ATRNL1: variants seen among roughly 807,000 people sequenced by gnomAD.
ATRNL1 encodes attractin like 1, also known as attractin-like protein 1.
ATRNL1 carries 95 observed loss-of-function variants against 182.7 expected under a neutral mutation model. The ratio of observed to expected loss-of-function variants is 0.52; its 90% confidence interval spans 0.44 to 0.62. The LOEUF (loss-of-function observed/expected upper bound fraction) is 0.62. ATRNL1 is among the 20% of genes least tolerant of loss of function. The pLI is 0.00. For synonymous variants in ATRNL1, 576 were observed against 568.3 expected (o/e 1.01, Z -0.19); for missense variants, 1,471 against 1,679.5 (o/e 0.88, Z 2.17).
intron 26 of ATRNL1, 42 bp downstream of exon 26, chr10:115,549,578 C>A: frequency 7.2e-7 from 1 of 1,385,964 alleles, no homozygotes; most frequent in Admixed American, 2.0e-5. Context: ...AAGATTTAAG[C>A]AAATATATGG....
intron 26 of ATRNL1, among the ~76,000 whole-genome samples, chr10:115,617,129 G>T (rs984437710): frequency 2.0e-5 from 3 of 152,212 alleles, no homozygotes; most frequent in Non-Finnish European, 2.9e-5. Context: ...GGGCAGGGTT[G>T]CCCAAGACCT....
intron 24 of ATRNL1, among the ~76,000 whole-genome samples, chr10:115,474,306 T>C (rs1241408599): frequency 6.6e-6 from 1 of 151,422 alleles, no homozygotes; most frequent in Non-Finnish European, 1.5e-5. Flanking sequence ...AGGTTTCTGC[T>C]GAGAAATCTG....
chr10:115,533,728 C>G (rs1474745320), intron 25 of ATRNL1, among the ~76,000 whole-genome samples: 7 of 149,268 alleles, frequency 4.7e-5, no homozygotes, highest in African/African-American at 7.3e-5. Context: ...CCTGCTTTCT[C>G]TTGTGGGCAT....
intron 27 of ATRNL1, among the ~76,000 whole-genome samples, chr10:115,816,661 A>G (rs1555088662): frequency 6.6e-6 from 1 of 151,952 alleles, no homozygotes; most frequent in African/African-American, 2.4e-5. Flanking sequence ...AAACAGCCTT[A>G]CCTGTTAAGT....
At chr10:115,399,063 T>A (rs1844426146) in intron 20 of ATRNL1, among the ~76,000 whole-genome samples, 1 of 152,156 alleles carries the variant, frequency 6.6e-6, no homozygotes, top group Non-Finnish European at 1.5e-5. Flanking sequence ...GCCTACTTGA[T>A]CATGGTGGAT....
In ATRNL1 at chr10:115,497,341, G is replaced by C. The variant is rs1487836738; in HGVS notation, c.3655-21922G>C. On this transcript the variant is annotated intron_variant, in intron 24 of 28. Transcript: ENST00000355044. The stretch of plus-strand genomic sequence containing the variant: ...CTCCTGAATCTTTATGATCTTCATA[G>C]GGGATCTAAGTGCAGAGTGCAAAAA... Among the ~76,000 whole-genome samples, 9 of 152,248 alleles carry C rather than the reference G, an allele frequency of 5.9e-5. No homozygotes were observed. In the East Asian group the frequency reaches 1.6e-3, roughly 26 times the overall value.
intron 26 of ATRNL1, among the ~76,000 whole-genome samples, chr10:115,588,964 G>T (rs1246405078): frequency 2.6e-5 from 4 of 152,146 alleles, no homozygotes; most frequent in African/African-American, 9.7e-5. Context: ...TCTTTTCAAA[G>T]GATTAGATTG....
At chr10:115,646,466 A>G (rs1555032492) in intron 26 of ATRNL1, among the ~76,000 whole-genome samples, 1 of 152,044 alleles carries the variant, frequency 6.6e-6, no homozygotes, top group Non-Finnish European at 1.5e-5. Flanking sequence ...CAGCTAGCAG[A>G]ATGTTAAAGA....
At position 115,263,898 on chromosome 10, in the gene ATRNL1, AGTTAG is replaced by A. The variant is rs529515154; in HGVS notation, c.1688-1286_1688-1282del. On this transcript the variant is annotated intron_variant, in intron 10 of 28. Coordinates refer to ENST00000355044, the MANE Select transcript of ATRNL1 (RefSeq NM_207303.4). The stretch of plus-strand genomic sequence containing the variant: ...ATTGGGAAAACACTGTGTTAAATAA[AGTTAG>A]GTTAGGTTTCTGTACCTTTACACTC... Among the ~76,000 whole-genome samples, 1,163 of 151,862 alleles carry A rather than the reference AGTTAG, an allele frequency of 7.7e-3. 7 individuals carry two copies. Among genetic ancestry groups the A allele is most frequent in the Non-Finnish European group, 0.011 (724 of 67,672 alleles).
chr10:115,396,175 A>G (rs557792172), intron 20 of ATRNL1, among the ~76,000 whole-genome samples: 38 of 152,070 alleles, frequency 2.5e-4, no homozygotes, highest in African/African-American at 8.4e-4. Flanking sequence ...AGGTAAGCAC[A>G]ATCAGTTTTT....
At chr10:115,368,479 G>A (rs547728084) in intron 19 of ATRNL1, among the ~76,000 whole-genome samples, 16 of 152,268 alleles carry the variant, frequency 1.1e-4, no homozygotes, top group South Asian at 2.1e-4. Flanking sequence ...GAAATCACCC[G>A]TCTTCTGCGT....
intron 1 of ATRNL1, among the ~76,000 whole-genome samples, chr10:115,107,301 G>C (rs1052398595): frequency 1.3e-5 from 2 of 152,168 alleles, no homozygotes; most frequent in Admixed American, 6.5e-5. Flanking sequence ...TGGTGAGACA[G>C]GTATAGGATC....
At chr10:115,358,151 T>C (rs548493459) in intron 19 of ATRNL1, among the ~76,000 whole-genome samples, 4 of 151,696 alleles carry the variant, frequency 2.6e-5, no homozygotes, top group Non-Finnish European at 5.9e-5. Flanking sequence ...CATTAAATAT[T>C]TGTTGAATTA....
intron 24 of ATRNL1, among the ~76,000 whole-genome samples, chr10:115,500,550 A>ATT (rs74488419): frequency 1.3e-5 from 2 of 150,320 alleles, no homozygotes; most frequent in African/African-American, 2.4e-5. Context: ...AGCAAGAATA[A>ATT]TTTTTTTTTT....
chr10:115,535,052 A>G (rs868979607), intron 25 of ATRNL1, among the ~76,000 whole-genome samples: 232 of 150,418 alleles, frequency 1.5e-3, no homozygotes, highest in African/African-American at 4.8e-3. Context: ...TTTTTCCTTC[A>G]TTTCAACTTT....
intron 27 of ATRNL1, among the ~76,000 whole-genome samples, chr10:115,739,700 G>A (rs1278964375): frequency 6.6e-6 from 1 of 152,150 alleles, no homozygotes; most frequent in African/African-American, 2.4e-5. Flanking sequence ...ACAGCAATCA[G>A]CTAGTCATAT....
rs1448067302 is a variant in ATRNL1, at chr10:115,623,197, T to C, written c.3795+73661T>C. Reference sequence around the variant, plus strand: ...CCTGATCAAAAAGGGAACAAAAATGTATGTACACATACAACATTTATGAAG... The same window carrying C: ...CCTGATCAAAAAGGGAACAAAAATGCATGTACACATACAACATTTATGAAG... On this transcript the variant is annotated intron_variant, in intron 26 of 28. Transcript: ENST00000355044. Among the ~76,000 whole-genome samples the C allele has an allele frequency of 2.0e-5, 3 of 152,162 alleles. 1 individual carries two copies. The highest frequency in any genetic ancestry group is 7.2e-5 in the African/African-American group (3 of 41,432).
At chr10:115,183,725 A>G (rs1554888218) in intron 8 of ATRNL1, among the ~76,000 whole-genome samples, 1 of 151,520 alleles carries the variant, frequency 6.6e-6, no homozygotes, top group African/African-American at 2.4e-5. Flanking sequence ...TAAATTTAGC[A>G]AAATCTTAAT....
At chr10:115,125,826 T>A (rs2143671126) in intron 3 of ATRNL1, among the ~76,000 whole-genome samples, 1 of 152,340 alleles carries the variant, frequency 6.6e-6, no homozygotes, top group South Asian at 2.1e-4. Flanking sequence ...GAGTTTTTTT[T>A]AGCCCTTCAA....
Sources: allele counts gnomAD v4.1 joint callset (sites outside exome capture counted in the v4.1 genomes callset), GRCh38; gene constraint gnomAD v4.1.1; transcripts MANE v1.5; gene names NCBI Gene and HGNC (gene_info 2026-07-23, HGNC 2026-07-21).